The following ANXA2 variants were observed in gnomAD, a reference collection of about 807,000 sequenced individuals.
The protein encoded by ANXA2 is annexin A2, also known as annexin II.
ANXA2 carries 28 observed loss-of-function variants against 47.3 expected under a neutral mutation model. That is an observed-to-expected ratio of 0.59 (90% CI 0.44 to 0.81). The LOEUF is 0.81. Ranked by LOEUF, ANXA2 falls within the 40% of genes least tolerant of loss-of-function variation. The pLI is 0.00. For synonymous variants in ANXA2, 172 were observed against 155.5 expected, an observed-to-expected ratio of 1.11 and a Z score of -0.79; for missense variants, 384 against 414.3, an observed-to-expected ratio of 0.93 and a Z score of 0.64.
In ANXA2 at chr15:60,357,106, T is replaced by C. The variant is rs141505555; in HGVS notation, c.448+40A>G. On this transcript the variant is annotated intron_variant, in intron 6 of 12. Transcript: ENST00000451270. Reference sequence around the variant, plus strand: ...AGTGGCCATGATAGAGTCACATAAATTGGGCTGAGAGGATGAATCACAGAA... The same window carrying C: ...AGTGGCCATGATAGAGTCACATAAACTGGGCTGAGAGGATGAATCACAGAA... The C allele has an allele frequency of 3.2e-6, 5 of 1,583,180 alleles. No individual in the cohort carries two copies. The East Asian group carries it at 8.9e-5, about 28-fold the overall frequency.
chr15:60,363,466 G>A (rs1012746756), intron 4 of ANXA2, among the ~76,000 whole-genome samples: 3 of 152,168 alleles, frequency 2.0e-5, no homozygotes, highest in Non-Finnish European at 2.9e-5. Flanking sequence ...CACCTCCACT[G>A]TGGCTACAAG....
At chr15:60,368,574 A>C (rs2062670049) in intron 3 of ANXA2, among the ~76,000 whole-genome samples, 1 of 152,102 alleles carries the variant, frequency 6.6e-6, no homozygotes, top group African/African-American at 2.4e-5. Context: ...GTAAAAAAAA[A>C]AAAAGGTTGC....
chr15:60,360,153 T>C (rs1343834272), intron 5 of ANXA2, among the ~76,000 whole-genome samples: 5 of 152,098 alleles, frequency 3.3e-5, no homozygotes, highest in African/African-American at 1.2e-4. Context: ...CTACTCGGGA[T>C]GCTGAGGCAG....
chr15:60,360,509 G>C (rs1459336471), intron 5 of ANXA2, among the ~76,000 whole-genome samples: 1 of 152,176 alleles, frequency 6.6e-6, no homozygotes, highest in East Asian at 1.9e-4. Flanking sequence ...GCCTGAATTT[G>C]AAACAAATGG....
At chr15:60,382,566 C>T in intron 2 of ANXA2, 125 bp from the exon 3 acceptor site, 1 of 651,974 alleles carries the variant, frequency 1.5e-6, no homozygotes, top group East Asian at 2.8e-5. Context: ...TACTAGGTAA[C>T]TAGGTAGGTA....
At chr15:60,357,667 C>A (rs1423890777) in intron 5 of ANXA2, among the ~76,000 whole-genome samples, 2 of 152,052 alleles carry the variant, frequency 1.3e-5, no homozygotes, top group African/African-American at 4.8e-5. Context: ...GTAGCGGGCG[C>A]CTGTAGTCCC....
chr15:60,354,291 T>C, intron 7 of ANXA2, 78 bp from the exon 8 acceptor site: 3 of 1,139,720 alleles, frequency 2.6e-6, no homozygotes, highest in East Asian at 2.4e-5. Context: ...CCCCAGTCCA[T>C]GTACGCCATT....
At chr15:60,381,431 T>C (rs748443575) in intron 3 of ANXA2, among the ~76,000 whole-genome samples, 2 of 152,182 alleles carry the variant, frequency 1.3e-5, no homozygotes. Flanking sequence ...TTTCAGGGAT[T>C]CAGGGGATGG....
At chr15:60,369,621 T>C (rs2062686149) in intron 3 of ANXA2, among the ~76,000 whole-genome samples, 1 of 152,196 alleles carries the variant, frequency 6.6e-6, no homozygotes, top group Non-Finnish European at 1.5e-5. Context: ...GTGAAGCACT[T>C]ATTAAAAACA....
At chr15:60,372,586 A>G (rs994826161) in intron 3 of ANXA2, among the ~76,000 whole-genome samples, 1 of 151,968 alleles carries the variant, frequency 6.6e-6, no homozygotes, top group Non-Finnish European at 1.5e-5. Flanking sequence ...GTGGGGTTAC[A>G]TGTTAACTTG....
Position 60,364,464 on chromosome 15 carries a change from C to T in ANXA2, c.208G>A (p.Asp70Asn). The T allele has an allele frequency of 1.2e-6, 2 of 1,613,486 alleles. No homozygotes were observed. Among genetic ancestry groups the T allele is most frequent in the Non-Finnish European group, 8.5e-7 (1 of 1,179,852 alleles). ...LTNRSNAQRQ[D>N]IAFAYQRRTK... is the part of the protein sequence containing the mutation. Reference sequence around the variant, plus strand: ...CTTCTCTGGTAGGCGAAGGCAATATCCTGTCTCTGTGCATTGCTGCGGTTG... The same window carrying T: ...CTTCTCTGGTAGGCGAAGGCAATATTCTGTCTCTGTGCATTGCTGCGGTTG... The change falls in exon 4 of 13, where the codon GAT becomes AAT. Residue 70 changes from aspartate to asparagine, a missense_variant. Physicochemically the swap from Asp to Asn is conservative, Grantham distance 23. Transcript: ENST00000451270.
intron 5 of ANXA2, among the ~76,000 whole-genome samples, chr15:60,359,789 A>T (rs961750585): frequency 5.3e-5 from 8 of 152,148 alleles, no homozygotes; most frequent in Admixed American, 3.9e-4. Context: ...ACAGACTCGG[A>T]ATAAAAAATC....
At position 60,347,274 on chromosome 15, in the gene ANXA2, C is replaced by T. The variant is rs1227428470; in HGVS notation, c.*356G>A. 2 of 286,684 alleles carry T rather than the reference C, an allele frequency of 7.0e-6. No individual in the cohort carries two copies. Among genetic ancestry groups the T allele is most frequent in the East Asian group, 1.6e-4 (2 of 12,572 alleles). 17.8% of individuals were successfully genotyped at this position (286,684 alleles called of 1,614,324 possible). A position where few individuals can be genotyped will look rare whatever the true frequency, so the allele number is the denominator to read the frequency against. On this transcript the variant is annotated 3_prime_UTR_variant, in exon 13 of 13. Coordinates refer to ENST00000451270, the MANE Select transcript of ANXA2 (RefSeq NM_004039.3). Reference sequence around the variant, plus strand: ...TACAGGGACAGCCTCACCAGCTGAACCCCAAGCACGTTTAATTTTCAAACA... The same window carrying T: ...TACAGGGACAGCCTCACCAGCTGAATCCCAAGCACGTTTAATTTTCAAACA...
At chr15:60,376,654 T>C (rs1203773111) in intron 3 of ANXA2, among the ~76,000 whole-genome samples, 5 of 152,200 alleles carry the variant, frequency 3.3e-5, no homozygotes, top group African/African-American at 9.6e-5. Flanking sequence ...TGAGGAGCTT[T>C]AGCTCACACC....
chr15:60,373,723 C>T (rs2062740146), intron 3 of ANXA2, among the ~76,000 whole-genome samples: 1 of 152,114 alleles, frequency 6.6e-6, no homozygotes, highest in Admixed American at 6.5e-5. Flanking sequence ...TATCTCACCC[C>T]TATAGAACAG....
At chr15:60,350,191 G>GA (rs150255295) in intron 11 of ANXA2, among the ~76,000 whole-genome samples, 2 of 148,058 alleles carry the variant, frequency 1.4e-5, no homozygotes, top group African/African-American at 5.0e-5. Context: ...AAAAAAGAAA[G>GA]AAAAAAAAAG....
At chr15:60,372,101 A>G (rs2062718508) in intron 3 of ANXA2, among the ~76,000 whole-genome samples, 1 of 152,214 alleles carries the variant, frequency 6.6e-6, no homozygotes, top group Admixed American at 6.5e-5. Context: ...GTGAGCCAAG[A>G]TTGAGCCATT....
chr15:60,390,290 T>C (rs1595710198), intron 1 of ANXA2: 2 of 1,050,384 alleles, frequency 1.9e-6, no homozygotes, highest in East Asian at 1.8e-4. Flanking sequence ...TCCTACTTCA[T>C]GTGAGTTTAA....
At position 60,355,965 on chromosome 15, in the gene ANXA2, G is replaced by A. The variant is rs138727673; in HGVS notation, c.482C>T (p.Ser161Leu). The A allele has an allele frequency of 3.2e-5, 52 of 1,614,032 alleles. No homozygotes were observed. Among genetic ancestry groups the A allele is most frequent in the Admixed American group, 6.7e-5 (4 of 60,020 alleles). The change falls in exon 7 of 13, where the codon TCG becomes TTG. Residue 161 changes from serine (S) to leucine (L), a missense_variant. Physicochemically the swap from Ser to Leu is moderately radical, Grantham distance 145 (BLOSUM62 -2). Coordinates refer to ENST00000451270, the MANE Select transcript of ANXA2 (RefSeq NM_004039.3). The stretch of plus-strand genomic sequence containing the variant: ...CTTGCGGAAGTCACCAGATGTGTCC[G>A]AAATAATGTCCTTCTCCAGATCAGT... ...YKTDLEKDIISDTSGDFRKLM... is the reference protein window; with the variant it reads ...YKTDLEKDIILDTSGDFRKLM...
Sources: gnomAD v4.1 joint callset for allele counts (sites outside exome capture counted in the v4.1 genomes callset) on GRCh38, gnomAD v4.1.1 for gene constraint, MANE v1.5 for transcripts, NCBI Gene and HGNC (gene_info 2026-07-23, HGNC 2026-07-21) for gene names.